Variants in DNAAF10 observed in about 807,000 individuals in gnomAD.
DNAAF10 encodes dynein axonemal assembly factor 10.
Under a neutral mutation model 43.7 loss-of-function variants are expected in DNAAF10, and 28 were observed. That is an observed-to-expected ratio of 0.64 (90% CI 0.48 to 0.88). DNAAF10 has a LOEUF of 0.88. DNAAF10 is among the 40% of genes least tolerant of loss of function. DNAAF10 has a pLI of 0.00. For synonymous variants in DNAAF10, 156 were observed against 157.3 expected, an observed-to-expected ratio of 0.99 and a Z score of 0.06; for missense variants, 403 against 439.1, an observed-to-expected ratio of 0.92 and a Z score of 0.73.
chr2:68,144,899 C>T (rs553874164), intron 2 of DNAAF10, among the ~76,000 whole-genome samples, 184 bp from the exon 3 acceptor site: 9 of 152,204 alleles, frequency 5.9e-5, no homozygotes, highest in African/African-American at 2.2e-4. Flanking sequence ...TTTCAAGCCC[C>T]CATTGAGAAC....
At position 68,141,713 on chromosome 2, in the gene DNAAF10, G is replaced by C. The variant is rs1673183566; in HGVS notation, c.498C>G (p.Asp166Glu). 1 of 1,613,890 alleles carries C rather than the reference G, an allele frequency of 6.2e-7. No homozygotes were observed. The highest frequency in any genetic ancestry group is 8.5e-7 in the Non-Finnish European group (1 of 1,179,942). ...MEPVQGENKR[D>E]CWTVAFGNAY... Reference sequence around the variant, plus strand: ...ATTTACCAAATGCCACAGTCCAACAGTCTCTCTTGTTTTCTCCTTGTACAG... The same window carrying C: ...ATTTACCAAATGCCACAGTCCAACACTCTCTCTTGTTTTCTCCTTGTACAG... Residue 166 changes from aspartate to glutamate, a missense_variant, in exon 4 of 8, where the codon GAC (aspartate) becomes GAG (glutamate). Coordinates refer to ENST00000295121, the MANE Select transcript of DNAAF10 (RefSeq NM_138458.4).
chr2:68,141,646 C>CT, intron 4 of DNAAF10, 48 bp downstream of exon 4: 1 of 1,569,026 alleles, frequency 6.4e-7, no homozygotes, highest in African/African-American at 1.4e-5. Flanking sequence ...CAGCATCGTG[C>CT]TTTTTACCAT....
chr2:68,135,675 A>G (rs1673025456), intron 6 of DNAAF10, among the ~76,000 whole-genome samples: 1 of 152,208 alleles, frequency 6.6e-6, no homozygotes, highest in Non-Finnish European at 1.5e-5. Context: ...TGATTTCAAT[A>G]GTCTTTTGAG....
chr2:68,138,526 C>T (rs1316636310), intron 5 of DNAAF10, among the ~76,000 whole-genome samples: 2 of 152,196 alleles, frequency 1.3e-5, no homozygotes, highest in Admixed American at 1.3e-4. Flanking sequence ...ACTCCCCCAA[C>T]GCTGTGCAAA....
chr2:68,153,321 G>C (rs1673500396), intron 1 of DNAAF10, among the ~76,000 whole-genome samples: 2 of 141,996 alleles, frequency 1.4e-5, no homozygotes, highest in South Asian at 4.4e-4. Flanking sequence ...CACGGGCTTT[G>C]TGAGCTCCAA....
At chr2:68,156,540 C>T (rs1673621444) in intron 1 of DNAAF10, among the ~76,000 whole-genome samples, 1 of 152,212 alleles carries the variant, frequency 6.6e-6, no homozygotes, top group African/African-American at 2.4e-5. Context: ...TCTTTCCACA[C>T]CCTGCTTAAA....
At chr2:68,137,944 G>A (rs1478517139) in intron 5 of DNAAF10, among the ~76,000 whole-genome samples, 1 of 151,186 alleles carries the variant, frequency 6.6e-6, no homozygotes, top group African/African-American at 2.4e-5. Flanking sequence ...GGAGGCCAAG[G>A]CAGGCAGATC....
At chr2:68,144,740 C>T in intron 2 of DNAAF10, 25 bp from the exon 3 acceptor site, 2 of 1,598,868 alleles carry the variant, frequency 1.3e-6, no homozygotes, top group African/African-American at 1.4e-5. Flanking sequence ...CAGCTTCTTA[C>T]ACCACATATC....
At chr2:68,153,604 G>A (rs554636633) in intron 1 of DNAAF10, among the ~76,000 whole-genome samples, 1 of 151,938 alleles carries the variant, frequency 6.6e-6, no homozygotes, top group Non-Finnish European at 1.5e-5. Context: ...AGGCACAAAT[G>A]TTTTAAAACA....
At chr2:68,146,482 GA>G (rs916393544) in intron 2 of DNAAF10, among the ~76,000 whole-genome samples, 3 of 152,166 alleles carry the variant, frequency 2.0e-5, no homozygotes, top group Non-Finnish European at 4.4e-5. Context: ...AACTGTATTA[GA>G]AAGATGGTCA....
At chr2:68,133,208 A>G (rs1401734056) in intron 7 of DNAAF10, among the ~76,000 whole-genome samples, 1 of 152,066 alleles carries the variant, frequency 6.6e-6, no homozygotes, top group East Asian at 1.9e-4. Context: ...TCACTCAGAA[A>G]CCATATTGGT....
chr2:68,152,061 T>C (rs1383335605), intron 1 of DNAAF10, among the ~76,000 whole-genome samples: 1 of 152,224 alleles, frequency 6.6e-6, no homozygotes, highest in East Asian at 1.9e-4. Context: ...AACCTGAGCG[T>C]TATTGGAAGT....
At chr2:68,131,585 T>C (rs1050362623) in intron 7 of DNAAF10, 140 bp from the exon 8 acceptor site, 36 of 816,394 alleles carry the variant, frequency 4.4e-5, no homozygotes, top group Admixed American at 3.3e-4. Context: ...TAATACTGAG[T>C]TGTTTGCAAA....
At chr2:68,157,014 G>C in intron 1 of DNAAF10, 1 of 577,134 alleles carries the variant, frequency 1.7e-6, no homozygotes, top group East Asian at 3.0e-5. Context: ...CAGGCATCCT[G>C]GTGCCCGCTT....
intron 7 of DNAAF10, chr2:68,131,655 G>T: frequency 1.9e-6 from 1 of 535,342 alleles, no homozygotes. Context: ...AGGGTTATTA[G>T]TTCTACTAAA....
At chr2:68,148,087 T>C (rs1249938882) in intron 1 of DNAAF10, among the ~76,000 whole-genome samples, 2 of 152,234 alleles carry the variant, frequency 1.3e-5, no homozygotes, top group Non-Finnish European at 2.9e-5. Flanking sequence ...TCAGCCAATC[T>C]TTTGAGGTTT....
chr2:68,153,126 A>ATTTTC (rs1673495489), intron 1 of DNAAF10, among the ~76,000 whole-genome samples: 1 of 152,172 alleles, frequency 6.6e-6, no homozygotes, highest in Non-Finnish European at 1.5e-5. Context: ...GATGAAGGAA[A>ATTTTC]AAGAGCTTTT....
At chr2:68,134,991 A>AT (rs1673005949) in intron 6 of DNAAF10, among the ~76,000 whole-genome samples, 192 bp from the exon 7 acceptor site, 1 of 152,168 alleles carries the variant, frequency 6.6e-6, no homozygotes. Flanking sequence ...AAAAAGCATC[A>AT]TTTTTCTTTA....
intron 7 of DNAAF10, chr2:68,134,104 T>C (rs1487497161): frequency 2.0e-6 from 2 of 980,938 alleles, no homozygotes; most frequent in Non-Finnish European, 1.2e-6. Context: ...TATCAGACCT[T>C]TAATTTTTGT....
Sources: gnomAD v4.1 joint callset for allele counts (sites outside exome capture counted in the v4.1 genomes callset) on GRCh38, gnomAD v4.1.1 for gene constraint, MANE v1.5 for transcripts, NCBI Gene and HGNC (gene_info 2026-07-23, HGNC 2026-07-21) for gene names.